The following RBFOX1 variants were observed in gnomAD, a reference collection of about 807,000 sequenced individuals.
The protein encoded by RBFOX1 is RNA binding fox-1 homolog 1, also known as RNA binding protein fox-1 homolog 1.
In RBFOX1, 8 loss-of-function variants were observed where a neutral mutation model predicts 57.7. That is an observed-to-expected ratio of 0.14 (90% CI 0.08 to 0.25). RBFOX1 has a LOEUF of 0.25. Among genes scored for constraint, RBFOX1 ranks in the 10% least tolerant of loss-of-function variants. The probability of loss-of-function intolerance (pLI) is 1.00; values close to 1 mark genes in which losing one functional copy is unlikely to be tolerated. For missense variants in RBFOX1, 611 were observed against 548.5 expected (o/e 1.11, Z -1.14); for synonymous variants, 326 against 222.4 (o/e 1.47, Z -4.15).
At chr16:6,468,634 CAAAA>C (rs2095105754) in intron 2 of RBFOX1, among the ~76,000 whole-genome samples, 2 of 151,348 alleles carry the variant, frequency 1.3e-5, no homozygotes, top group Admixed American at 6.6e-5. Context: ...TTTGCCTTTG[CAAAA>C]ACAAATAAAA....
At chr16:7,588,670 AG>A (rs1362515162) in intron 7 of RBFOX1, among the ~76,000 whole-genome samples, 3 of 152,172 alleles carry the variant, frequency 2.0e-5, no homozygotes, top group African/African-American at 7.2e-5. Context: ...GGTATCACGG[AG>A]GGTCAGTAAG....
chr16:6,126,851 A>G (rs1329765528), intron 1 of RBFOX1, among the ~76,000 whole-genome samples: 2 of 152,204 alleles, frequency 1.3e-5, no homozygotes, highest in Non-Finnish European at 2.9e-5. Context: ...TCCTGCCTTC[A>G]TGAGGCTTAC....
intron 2 of RBFOX1, among the ~76,000 whole-genome samples, chr16:6,425,916 A>G (rs2093912527): frequency 1.3e-5 from 2 of 152,074 alleles, no homozygotes; most frequent in South Asian, 4.2e-4. Context: ...AGCTTCCCAA[A>G]AAGAATCCCA....
At chr16:6,238,551 A>G (rs564695031) in intron 1 of RBFOX1, among the ~76,000 whole-genome samples, 2 of 152,154 alleles carry the variant, frequency 1.3e-5, no homozygotes, top group Non-Finnish European at 2.9e-5. Context: ...ACCCAGATAA[A>G]GTGTCATTAA....
chr16:6,486,614 A>C (rs2095487974), intron 2 of RBFOX1, among the ~76,000 whole-genome samples: 1 of 146,756 alleles, frequency 6.8e-6, no homozygotes, highest in Non-Finnish European at 1.5e-5. Flanking sequence ...TTTTCTGACG[A>C]ACATAAAAAG....
chr16:6,241,425 A>G (rs779715941), intron 1 of RBFOX1, among the ~76,000 whole-genome samples: 12 of 152,182 alleles, frequency 7.9e-5, no homozygotes, highest in African/African-American at 2.7e-4. Context: ...GTCAAAAATA[A>G]TAAGACTGCT....
chr16:6,282,075 A>G (rs561410283), intron 1 of RBFOX1, among the ~76,000 whole-genome samples: 21 of 152,308 alleles, frequency 1.4e-4, no homozygotes, highest in African/African-American at 4.6e-4. Flanking sequence ...TCTCTGTACC[A>G]TGAGAAGTAA....
chr16:6,729,110 C>G (rs59755020), intron 3 of RBFOX1, among the ~76,000 whole-genome samples: 1 of 152,104 alleles, frequency 6.6e-6, no homozygotes, highest in Non-Finnish European at 1.5e-5. Flanking sequence ...AATGGAGATA[C>G]TAAACTAAGG....
At chr16:7,384,111 C>T (rs997549874) in intron 4 of RBFOX1, among the ~76,000 whole-genome samples, 5 of 149,966 alleles carry the variant, frequency 3.3e-5, no homozygotes, top group African/African-American at 1.2e-4. Context: ...AGTGAGAAAA[C>T]ATATATACAT....
At chr16:7,150,379 A>G (rs1004237802) in intron 4 of RBFOX1, among the ~76,000 whole-genome samples, 3 of 152,092 alleles carry the variant, frequency 2.0e-5, no homozygotes, top group Non-Finnish European at 4.4e-5. Flanking sequence ...ATGATTTGAG[A>G]TTATTTGAGA....
chr16:7,002,998 G>A (rs554402953), intron 3 of RBFOX1, among the ~76,000 whole-genome samples: 1 of 151,566 alleles, frequency 6.6e-6, no homozygotes, highest in Admixed American at 6.6e-5. Context: ...TCCAAACTAT[G>A]AGTGGATCTT....
chr16:6,557,712 G>A (rs923461463), intron 2 of RBFOX1, among the ~76,000 whole-genome samples: 6 of 152,202 alleles, frequency 3.9e-5, no homozygotes. Flanking sequence ...CAGCCCAGAA[G>A]TTGCATAAGC....
chr16:7,583,235 T>A (rs1433369590), intron 6 of RBFOX1, among the ~76,000 whole-genome samples: 2 of 152,130 alleles, frequency 1.3e-5, no homozygotes, highest in African/African-American at 4.8e-5. Context: ...GCCATCGTCT[T>A]TTAAAAATAC....
intron 3 of RBFOX1, among the ~76,000 whole-genome samples, chr16:5,670,558 T>C (rs75503486): frequency 0.041 from 6,290 of 152,278 alleles, 443 homozygotes; most frequent in African/African-American, 0.14. Flanking sequence ...TTCTGCACTG[T>C]GATACTGCCT....
intron 4 of RBFOX1, chr16:7,304,602 G>A: frequency 1.0e-6 from 1 of 984,462 alleles, no homozygotes; most frequent in Non-Finnish European, 1.2e-6. Flanking sequence ...GGGCTCCCGC[G>A]TTGCGATGGA....
chr16:7,029,626 C>A (rs747732214), intron 3 of RBFOX1, among the ~76,000 whole-genome samples: 22 of 151,960 alleles, frequency 1.4e-4, no homozygotes, highest in Non-Finnish European at 2.8e-4. Context: ...TGGCAAAAAG[C>A]AGAAGGGTAT....
In RBFOX1 at chr16:5,485,615, C is replaced by G. The variant is rs1890097311; in HGVS notation, c.258+18361C>G. Reference sequence around the variant, plus strand: ...ACCTCAAAGAGAATTCACCATTGTCCTCATTTCACAGATAAAAGAAACTGA... The same window carrying G: ...ACCTCAAAGAGAATTCACCATTGTCGTCATTTCACAGATAAAAGAAACTGA... On this transcript the variant is annotated intron_variant, in intron 2 of 2. Coordinates refer to the RBFOX1 transcript ENST00000585867. Among the ~76,000 whole-genome samples the G allele has an allele frequency of 2.6e-5, 4 of 152,166 alleles. No homozygotes were observed. In the South Asian group the frequency reaches 8.3e-4, roughly 32 times the overall value.
chr16:7,709,921 A>G (rs2083681626), intron 15 of RBFOX1: 2 of 1,051,070 alleles, frequency 1.9e-6, no homozygotes, highest in Non-Finnish European at 2.3e-6. Flanking sequence ...TGGATCAAGA[A>G]TATCAGTCCT....
intron 4 of RBFOX1, among the ~76,000 whole-genome samples, chr16:7,183,412 C>T (rs1304415783): frequency 6.6e-6 from 1 of 152,142 alleles, no homozygotes; most frequent in African/African-American, 2.4e-5. Context: ...CAGTGGGCAC[C>T]ATGAAAGTAT....
Sources: gnomAD v4.1 joint callset for allele counts (sites outside exome capture counted in the v4.1 genomes callset) on GRCh38, gnomAD v4.1.1 for gene constraint, MANE v1.5 for transcripts, NCBI Gene and HGNC (gene_info 2026-07-23, HGNC 2026-07-21) for gene names.